Variants in SLC39A8 observed in about 807,000 individuals in gnomAD.
SLC39A8 encodes solute carrier family 39 member 8, also known as metal cation symporter ZIP8.
A neutral mutation model predicts 40.4 loss-of-function variants in SLC39A8; 15 were observed. The ratio of observed to expected loss-of-function variants is 0.37; its 90% CI spans 0.25 to 0.57. The LOEUF (loss-of-function observed/expected upper bound fraction) is 0.57. SLC39A8 is among the 20% of genes least tolerant of loss of function. The pLI, the probability that SLC39A8 is intolerant of heterozygous loss-of-function variation, is 0.75. For missense variants in SLC39A8, 472 were observed against 558.8 expected (o/e 0.84, Z 1.57); for synonymous variants, 223 against 221.6 (o/e 1.01, Z -0.06).
At chr4:102,317,698 G>A (rs1316124539) in intron 2 of SLC39A8, among the ~76,000 whole-genome samples, 1 of 152,124 alleles carries the variant, frequency 6.6e-6, no homozygotes, top group Non-Finnish European at 1.5e-5. Context: ...CACACAGAGA[G>A]CACCACTGTT....
intron 4 of SLC39A8, among the ~76,000 whole-genome samples, chr4:102,305,499 G>A (rs1181227758): frequency 6.6e-6 from 1 of 151,936 alleles, no homozygotes; most frequent in East Asian, 1.9e-4. Context: ...ATTACCTACT[G>A]TCTCTAAAAG....
At chr4:102,296,177 C>T (rs1733669532) in intron 6 of SLC39A8, among the ~76,000 whole-genome samples, 1 of 152,032 alleles carries the variant, frequency 6.6e-6, no homozygotes, top group South Asian at 2.1e-4. Context: ...TCCAGCTTTA[C>T]TTTCTAGAAA....
chr4:102,324,235 A>C (rs1010656203), intron 2 of SLC39A8: 1 of 361,896 alleles, frequency 2.8e-6, no homozygotes, highest in African/African-American at 2.2e-5. Context: ...TCTATACTAA[A>C]AATATAAAAA....
Position 102,301,490 on chromosome 4 carries a change from T to C in SLC39A8, c.840+2827A>G, listed in dbSNP as rs897231199. The stretch of plus-strand genomic sequence containing the variant: ...CAAGGTAGGTTATTACTATATGATA[T>C]TTTCTTGTTTTGCTCATTTCTATAT... On this transcript the variant is annotated intron_variant, in intron 6 of 8. Transcript: ENST00000356736. 4.7e-5 allele frequency among the ~76,000 whole-genome samples: 7 copies of C among 150,478 alleles called. No individual in the cohort carries two copies. In the South Asian group the frequency reaches 1.4e-3, roughly 31 times the overall value.
intron 6 of SLC39A8, among the ~76,000 whole-genome samples, chr4:102,273,404 T>A (rs937565085): frequency 2.6e-5 from 4 of 152,134 alleles, no homozygotes; most frequent in African/African-American, 9.7e-5. Context: ...AGATTCCTCC[T>A]CTCTGGGCAA....
At chr4:102,323,078 T>G (rs1735032168) in intron 2 of SLC39A8, among the ~76,000 whole-genome samples, 1 of 152,172 alleles carries the variant, frequency 6.6e-6, no homozygotes, top group African/African-American at 2.4e-5. Context: ...ATGAAACCCA[T>G]CCTTCCCCCA....
chr4:102,321,181 T>G (rs926324768), intron 2 of SLC39A8, among the ~76,000 whole-genome samples: 2 of 151,924 alleles, frequency 1.3e-5, no homozygotes, highest in African/African-American at 4.8e-5. Context: ...AATTATAAAT[T>G]CACAAAAAAC....
intron 3 of SLC39A8, among the ~76,000 whole-genome samples, chr4:102,314,475 C>T (rs1256584207): frequency 4.6e-5 from 7 of 152,018 alleles, no homozygotes; most frequent in African/African-American, 1.7e-4. Flanking sequence ...ATCAATTTAC[C>T]ACCTCCCGCA....
intron 3 of SLC39A8, among the ~76,000 whole-genome samples, chr4:102,310,124 A>G (rs1205852723): frequency 1.3e-5 from 2 of 151,760 alleles, no homozygotes; most frequent in Non-Finnish European, 2.9e-5. Context: ...CATGGCCTTT[A>G]CCCAAACACT....
intron 3 of SLC39A8, among the ~76,000 whole-genome samples, chr4:102,312,275 C>G (rs1170120398): frequency 6.6e-6 from 1 of 152,050 alleles, no homozygotes; most frequent in East Asian, 1.9e-4. Context: ...TCTTCTCCCC[C>G]CGATCCCACT....
intron 2 of SLC39A8, among the ~76,000 whole-genome samples, chr4:102,322,132 C>G (rs1734992197): frequency 6.6e-6 from 1 of 152,150 alleles, no homozygotes; most frequent in African/African-American, 2.4e-5. Flanking sequence ...AGCATAGGAG[C>G]AGTCTGGATC....
chr4:102,293,712 A>T (rs1733558375), intron 6 of SLC39A8, among the ~76,000 whole-genome samples: 1 of 152,008 alleles, frequency 6.6e-6, no homozygotes, highest in Non-Finnish European at 1.5e-5. Flanking sequence ...AAAATCTTAA[A>T]TATCATAAAA....
chr4:102,262,670 A>G lies in SLC39A8; in HGVS notation c.*374T>C. The G allele has an allele frequency of 1.0e-6, 1 of 992,760 alleles. No homozygotes were observed. The highest frequency in any genetic ancestry group is 1.2e-6 in the Non-Finnish European group (1 of 834,908). The allele number at this position is 992,760 out of a possible 1,614,324, so 61.5% of individuals were successfully genotyped here. On this transcript the variant is annotated 3_prime_UTR_variant, in exon 9 of 9. Transcript: ENST00000356736. ...CTCTCTGAAACCATTTGAATCTTTGATCCTACCATAGAGTTTTAAAGGCTT... is the reference window on the plus strand; with the variant it reads ...CTCTCTGAAACCATTTGAATCTTTGGTCCTACCATAGAGTTTTAAAGGCTT...
intron 6 of SLC39A8, among the ~76,000 whole-genome samples, chr4:102,283,055 A>G (rs759971519): frequency 1.3e-5 from 2 of 152,228 alleles, no homozygotes; most frequent in Non-Finnish European, 2.9e-5. Flanking sequence ...ATTGGCAACC[A>G]TCTTGCATCT....
At position 102,334,293 on chromosome 4, in the gene SLC39A8, G is replaced by A. The variant is rs942486777; in HGVS notation, c.219+10151C>T. 2.6e-5 allele frequency among the ~76,000 whole-genome samples: 4 copies of A among 152,218 alleles called. No homozygotes were observed. The East Asian group carries it at 5.8e-4, about 22-fold the overall frequency. On this transcript the variant is annotated intron_variant, in intron 2 of 8. Transcript: ENST00000356736. ...AGAACTGAGGATTCAAAATTGGAAT[G>A]TCTGGTCTCCCAGAAAAATCTGGGG...
chr4:102,316,713 T>C (rs1172857090), intron 2 of SLC39A8, among the ~76,000 whole-genome samples: 6 of 152,184 alleles, frequency 3.9e-5, no homozygotes, highest in Non-Finnish European at 7.4e-5. Flanking sequence ...CTTCAGCCAA[T>C]GCTTAAACCC....
chr4:102,262,711 T>C lies in SLC39A8; in HGVS notation c.*333A>G, dbSNP rs1383076714. The C allele has an allele frequency of 6.9e-6, 7 of 1,015,772 alleles. No homozygotes were observed. The highest frequency in any genetic ancestry group is 8.2e-6 in the Non-Finnish European group (7 of 850,098). 62.9% of individuals were successfully genotyped at this position (1,015,772 alleles called of 1,614,324 possible). A position where few individuals can be genotyped will look rare whatever the true frequency, so the allele number is the denominator to read the frequency against. On this transcript the variant is annotated 3_prime_UTR_variant, in exon 9 of 9. Transcript: ENST00000356736. ...TTAAAGGCTTTCAGGATATAACTTGTATTTTCCCCTGAGTCTGAGTGTCTA... is the reference window on the plus strand; with the variant it reads ...TTAAAGGCTTTCAGGATATAACTTGCATTTTCCCCTGAGTCTGAGTGTCTA...
chr4:102,255,576 T>G (rs1731689449), intron 11 of SLC39A8, among the ~76,000 whole-genome samples: 1 of 152,152 alleles, frequency 6.6e-6, no homozygotes, highest in Admixed American at 6.5e-5. Context: ...AGATTACAAT[T>G]GACCCAGACT....
intron 6 of SLC39A8, among the ~76,000 whole-genome samples, chr4:102,286,426 T>C (rs1308798178): frequency 6.6e-6 from 1 of 152,164 alleles, no homozygotes; most frequent in African/African-American, 2.4e-5. Context: ...TTCTTCTAAA[T>C]AGGGATAAGT....
Sources: gnomAD v4.1 joint callset for allele counts (sites outside exome capture counted in the v4.1 genomes callset) on GRCh38, gnomAD v4.1.1 for gene constraint, MANE v1.5 for transcripts, NCBI Gene and HGNC (gene_info 2026-07-23, HGNC 2026-07-21) for gene names.